Variants in KIAA1217 observed in about 807,000 individuals in gnomAD.
KIAA1217 encodes KIAA1217, also known as sickle tail protein homolog.
In KIAA1217, 88 loss-of-function variants were observed where a neutral mutation model predicts 163.9. The observed-to-expected ratio is 0.54, with a 90% confidence interval of 0.45 to 0.64. KIAA1217 has a LOEUF of 0.64. KIAA1217 is among the 30% of genes least tolerant of loss of function. The pLI is 0.00. For missense variants in KIAA1217, 2,372 were observed against 2,475.0 expected (o/e 0.96, Z 0.88); for synonymous variants, 903 against 923.1 (o/e 0.98, Z 0.39).
At chr10:24,179,065 G>A (rs1002558913) in intron 2 of KIAA1217, among the ~76,000 whole-genome samples, 1 of 152,202 alleles carries the variant, frequency 6.6e-6, no homozygotes, top group African/African-American at 2.4e-5. Flanking sequence ...TAATTAACAG[G>A]AGAAAGTGTT....
chr10:23,945,075 A>AGG (rs35415139), intron 1 of KIAA1217, among the ~76,000 whole-genome samples: 36 of 146,464 alleles, frequency 2.5e-4, no homozygotes, highest in Non-Finnish European at 4.2e-4. Context: ...AAAAAAAAAA[A>AGG]GGGTTTTAAC....
chr10:23,719,879 A>C (rs1228316495), intron 1 of KIAA1217, among the ~76,000 whole-genome samples: 1 of 152,060 alleles, frequency 6.6e-6, no homozygotes, highest in East Asian at 1.9e-4. Context: ...GCGCCACTGC[A>C]CTCCAGCCTG....
At chr10:23,714,274 G>T (rs1837436013) in intron 1 of KIAA1217, among the ~76,000 whole-genome samples, 1 of 147,418 alleles carries the variant, frequency 6.8e-6, no homozygotes, top group African/African-American at 2.7e-5. Context: ...TCTTAGGGCA[G>T]CTTCCACAGA....
At chr10:24,087,423 T>G (rs2061736613) in intron 2 of KIAA1217, among the ~76,000 whole-genome samples, 1 of 152,232 alleles carries the variant, frequency 6.6e-6, no homozygotes, top group African/African-American at 2.4e-5. Flanking sequence ...GAAATTATTT[T>G]AATGTTAAAT....
intron 1 of KIAA1217, among the ~76,000 whole-genome samples, chr10:23,747,389 G>A (rs74846241): frequency 0.033 from 5,007 of 152,216 alleles, 118 homozygotes; most frequent in South Asian, 0.069. Context: ...GTCTCTCAGA[G>A]GTTTTATGAA....
intron 1 of KIAA1217, among the ~76,000 whole-genome samples, chr10:23,732,294 A>C (rs1478653217): frequency 1.3e-5 from 2 of 152,110 alleles, no homozygotes; most frequent in African/African-American, 4.8e-5. Context: ...TTGGCCCTTC[A>C]TATCTACAGG....
intron 1 of KIAA1217, among the ~76,000 whole-genome samples, chr10:23,946,424 T>C (rs1844050598): frequency 6.6e-6 from 1 of 152,156 alleles, no homozygotes. Context: ...TTCAGATCTG[T>C]GTAAGTGTTT....
rs117181098 is a variant in KIAA1217, at chr10:24,175,214, C to T, written c.-170-44412C>T. Among the ~76,000 whole-genome samples, 385 of 152,276 alleles carry T rather than the reference C, an allele frequency of 2.5e-3. 13 individuals are homozygous for T. In the East Asian group the frequency reaches 0.067, roughly 27 times the overall value. On this transcript the variant is annotated intron_variant, in intron 2 of 18. Transcript: ENST00000376462. ...CCCTTCCATCCTTTTCCCGAGTCTT[C>T]AAAGTCCATTGTATCATTCATATGC...
rs1285638376 is a variant in KIAA1217, at chr10:23,817,996, T to TACAC, written c.-321+122763_-321+122764insCACA. Among the ~76,000 whole-genome samples, 396 of 106,102 alleles carry TACAC rather than the reference T, an allele frequency of 3.7e-3. 11 individuals carry two copies. The highest frequency in any genetic ancestry group is 0.015 in the African/African-American group (373 of 24,514). 69.6% of individuals were successfully genotyped at this position (106,102 alleles called of 152,430 possible). ...ATATATATATATATATATATATATA[T>TACAC]ATATATATATATACACACATATATA... On this transcript the variant is annotated intron_variant, in intron 1 of 18. Coordinates refer to the KIAA1217 transcript ENST00000376462.
At chr10:24,493,981 A>G (rs1045258006) in intron 6 of KIAA1217, among the ~76,000 whole-genome samples, 3 of 152,076 alleles carry the variant, frequency 2.0e-5, no homozygotes, top group African/African-American at 7.2e-5. Flanking sequence ...ATATTTCTCC[A>G]TGGTCTAAAG....
chr10:24,497,719 C>CAAA (rs576820337), intron 8 of KIAA1217, among the ~76,000 whole-genome samples: 4 of 75,516 alleles, frequency 5.3e-5, no homozygotes, highest in Non-Finnish European at 1.1e-4. Flanking sequence ...GACCTTGTCT[C>CAAA]AAAAAAAAAA....
At chr10:24,221,359 C>T (rs546146057) in intron 2 of KIAA1217, among the ~76,000 whole-genome samples, 8 of 96,728 alleles carry the variant, frequency 8.3e-5, no homozygotes, top group East Asian at 6.6e-4. Flanking sequence ...ATATATGTGA[C>T]GGGTGGGGGT....
intron 14 of KIAA1217, among the ~76,000 whole-genome samples, chr10:24,528,523 C>T (rs1315412221): frequency 6.6e-6 from 1 of 151,688 alleles, no homozygotes; most frequent in Admixed American, 6.6e-5. Context: ...AGACAGGTTT[C>T]TTCCTCTGTT....
At chr10:24,309,946 A>G (rs1384034701) in intron 2 of KIAA1217, among the ~76,000 whole-genome samples, 1 of 152,200 alleles carries the variant, frequency 6.6e-6, no homozygotes, top group Non-Finnish European at 1.5e-5. Flanking sequence ...TTGCACCTGT[A>G]AAATGTGAAT....
At chr10:24,464,052 T>A (rs146286460) in intron 5 of KIAA1217, among the ~76,000 whole-genome samples, 11 of 152,304 alleles carry the variant, frequency 7.2e-5, no homozygotes, top group Admixed American at 2.6e-4. Flanking sequence ...CTCTGGAGAA[T>A]GTGCCTTCCA....
At chr10:24,183,864 TAAGAC>T (rs1429632794) in intron 2 of KIAA1217, among the ~76,000 whole-genome samples, 1 of 152,210 alleles carries the variant, frequency 6.6e-6, no homozygotes, top group Non-Finnish European at 1.5e-5. Flanking sequence ...TCAAATATAT[TAAGAC>T]AACTGCCAGG....
intron 2 of KIAA1217, among the ~76,000 whole-genome samples, chr10:24,178,912 T>C (rs2066037416): frequency 6.6e-6 from 1 of 152,218 alleles, no homozygotes; most frequent in Non-Finnish European, 1.5e-5. Flanking sequence ...ATTTTAGTTA[T>C]TTATTTAAAT....
chr10:23,828,403 A>G (rs1838006568), intron 1 of KIAA1217, among the ~76,000 whole-genome samples: 1 of 152,062 alleles, frequency 6.6e-6, no homozygotes, highest in African/African-American at 2.4e-5. Context: ...GAGGGTGGGC[A>G]TGGGAGTTGT....
intron 2 of KIAA1217, among the ~76,000 whole-genome samples, chr10:24,108,802 A>G (rs895742120): frequency 3.3e-5 from 5 of 152,204 alleles, no homozygotes; most frequent in Non-Finnish European, 7.3e-5. Flanking sequence ...TGGGGAGACA[A>G]GAGGAATCAA....
Sources: allele counts gnomAD v4.1 joint callset (sites outside exome capture counted in the v4.1 genomes callset), GRCh38; gene constraint gnomAD v4.1.1; transcripts MANE v1.5; gene names NCBI Gene and HGNC (gene_info 2026-07-23, HGNC 2026-07-21).